The following NXPE3 variants were observed in gnomAD, a reference collection of about 807,000 sequenced individuals.
The protein encoded by NXPE3 is NXPE family member 3.
In NXPE3, 26 loss-of-function variants were observed where a neutral mutation model predicts 46.1. That is an observed-to-expected ratio of 0.56 (90% CI 0.41 to 0.78). The LOEUF (loss-of-function observed/expected upper bound fraction) is 0.78. Among genes scored for constraint, NXPE3 ranks in the 30% least tolerant of loss-of-function variants. The pLI is 0.00. For missense variants in NXPE3, 620 were observed against 686.0 expected, an observed-to-expected ratio of 0.90 and a Z score of 1.07; for synonymous variants, 272 against 257.9, an observed-to-expected ratio of 1.05 and a Z score of -0.52.
At chr3:101,799,098 C>T (rs1941000473) in intron 4 of NXPE3, among the ~76,000 whole-genome samples, 1 of 151,888 alleles carries the variant, frequency 6.6e-6, no homozygotes, top group Admixed American at 6.6e-5. Context: ...CCACGCTTGG[C>T]TAACTTTAAA....
chr3:101,783,163 G>T (rs1482329103), intron 3 of NXPE3, among the ~76,000 whole-genome samples: 1 of 152,218 alleles, frequency 6.6e-6, no homozygotes, highest in South Asian at 2.1e-4. Context: ...CCAGGTTCAC[G>T]CTGTTCTCCT....
At chr3:101,809,497 A>C (rs185089825) in intron 6 of NXPE3, among the ~76,000 whole-genome samples, 24 of 152,336 alleles carry the variant, frequency 1.6e-4, no homozygotes, top group African/African-American at 5.8e-4. Context: ...TTTAGCATTC[A>C]TCAAGGTTCA....
intron 5 of NXPE3, 117 bp from the exon 6 acceptor site, chr3:101,806,936 T>C (rs891459832): frequency 2.1e-5 from 15 of 730,464 alleles, no homozygotes; most frequent in African/African-American, 1.2e-4. Context: ...TTCATAAGTA[T>C]ATTTCATCAT....
At chr3:101,811,818 C>G (rs1941722093) in intron 6 of NXPE3, among the ~76,000 whole-genome samples, 1 of 140,082 alleles carries the variant, frequency 7.1e-6, no homozygotes, top group African/African-American at 2.6e-5. Context: ...ATTAAAACTT[C>G]TGCCTCCTGG....
chr3:101,784,779 C>G (rs1940050319), intron 3 of NXPE3, among the ~76,000 whole-genome samples: 1 of 152,172 alleles, frequency 6.6e-6, no homozygotes. Context: ...GCTTGACTTT[C>G]CTCTCCCACA....
intron 6 of NXPE3, among the ~76,000 whole-genome samples, chr3:101,810,050 C>T (rs1941640000): frequency 6.6e-6 from 1 of 152,072 alleles, no homozygotes; most frequent in South Asian, 2.1e-4. Context: ...ATTTAGATTG[C>T]CTGAGATTGG....
At chr3:101,816,618 T>C (rs1447275457) in intron 6 of NXPE3, among the ~76,000 whole-genome samples, 177 bp from the exon 7 acceptor site, 1 of 152,202 alleles carries the variant, frequency 6.6e-6, no homozygotes, top group Non-Finnish European at 1.5e-5. Flanking sequence ...TTTTTATGGC[T>C]GTGGAAAACC....
At chr3:101,817,792 T>C (rs983950435) in intron 7 of NXPE3, among the ~76,000 whole-genome samples, 1 of 152,164 alleles carries the variant, frequency 6.6e-6, no homozygotes, top group African/African-American at 2.4e-5. Context: ...TTAATGGCCA[T>C]GTGTGGGCAA....
rs897183040 is a variant in NXPE3 at position 101,825,531 on chromosome 3, T to C, written c.*3577T>C. The C allele has an allele frequency of 6.6e-6, 1 of 152,184 alleles. No homozygotes were observed. The highest frequency in any genetic ancestry group is 1.5e-5 in the Non-Finnish European group (1 of 68,036). 9.4% of individuals were successfully genotyped at this position (152,184 alleles called of 1,614,324 possible). The stretch of plus-strand genomic sequence containing the variant: ...TCTATGGATAAAATCCATAATTCTA[T>C]CATCTGAATGCAATGAACATTAGCA... On this transcript the variant is annotated 3_prime_UTR_variant, in exon 8 of 8. Transcript: ENST00000273347.
chr3:101,785,516 C>T lies in NXPE3; in HGVS notation c.-81C>T, dbSNP rs1940104790. 3.2e-6 allele frequency: 4 copies of T among 1,254,402 alleles called. No homozygotes were observed. The Admixed American group carries it at 5.1e-5, about 16-fold the overall frequency. The allele number at this position is 1,254,402 out of a possible 1,614,324, so 77.7% of individuals were successfully genotyped here. ...AATGAAACTGAAAGCTCATCTGCAG[C>T]TCAGAAAAGCAAAGACATGGAATTT... On this transcript the variant is annotated 5_prime_UTR_variant, in exon 4 of 8. Coordinates refer to ENST00000273347, the MANE Select transcript of NXPE3 (RefSeq NM_145037.4).
Position 101,787,948 on chromosome 3 carries a change from AT to A in NXPE3, c.93+2265del, listed in dbSNP as rs369191050. On this transcript the variant is annotated intron_variant, in intron 4 of 7. Transcript: ENST00000273347. ...ATTGCTGGATTATATGGTAATTTTA[AT>A]TTTTTGAGGAACCACCATATTATTT... 1.6e-3 allele frequency among the ~76,000 whole-genome samples: 247 copies of A among 152,286 alleles called. 3 individuals carry two copies. The highest frequency in any genetic ancestry group is 5.7e-3 in the African/African-American group (237 of 41,548).
chr3:101,803,845 C>T (rs901004332), intron 5 of NXPE3, among the ~76,000 whole-genome samples: 4 of 152,186 alleles, frequency 2.6e-5, no homozygotes, highest in Non-Finnish European at 5.9e-5. Flanking sequence ...GTCTTGAACC[C>T]CTGGGCTCAA....
At chr3:101,807,006 A>G in intron 5 of NXPE3, 47 bp from the exon 6 acceptor site, 1 of 1,296,626 alleles carries the variant, frequency 7.7e-7, no homozygotes, top group Non-Finnish European at 1.1e-6. Flanking sequence ...ATATCTGAAA[A>G]TAAATGTTCC....
intron 1 of NXPE3, among the ~76,000 whole-genome samples, chr3:101,781,123 C>CT (rs1156591583): frequency 1.3e-5 from 2 of 151,870 alleles, no homozygotes; most frequent in African/African-American, 4.8e-5. Flanking sequence ...TAAATCTGTG[C>CT]TTTTGTCTCT....
intron 4 of NXPE3, 35 bp from the exon 5 acceptor site, chr3:101,801,200 G>T (rs1367357122): frequency 6.4e-7 from 1 of 1,565,726 alleles, no homozygotes; most frequent in African/African-American, 1.4e-5. Flanking sequence ...ACCTATTATA[G>T]TGGTAATTTC....
chr3:101,784,020 A>G (rs1172556459), intron 3 of NXPE3, among the ~76,000 whole-genome samples: 1 of 152,196 alleles, frequency 6.6e-6, no homozygotes, highest in African/African-American at 2.4e-5. Context: ...AGGGGCTGAC[A>G]TCTTGTCTAA....
chr3:101,796,031 G>A (rs1250032156), intron 4 of NXPE3, among the ~76,000 whole-genome samples: 2 of 152,196 alleles, frequency 1.3e-5, no homozygotes, highest in Non-Finnish European at 2.9e-5. Flanking sequence ...TGTTACCAAG[G>A]GGAATTAGTG....
At chr3:101,815,630 G>T (rs1224707318) in intron 6 of NXPE3, among the ~76,000 whole-genome samples, 1 of 152,124 alleles carries the variant, frequency 6.6e-6, no homozygotes, top group Non-Finnish European at 1.5e-5. Context: ...TTGGGAGGTC[G>T]AGGCGGGCGG....
rs1942531334 is a variant in NXPE3 at position 101,827,217 on chromosome 3, A to G, written c.*5263A>G. Reference sequence around the variant, plus strand: ...TGGATTGTAACACTGCTTGGGGAAGATAACTTAAAAAAAAGTAGTACCGAG... The same window carrying G: ...TGGATTGTAACACTGCTTGGGGAAGGTAACTTAAAAAAAAGTAGTACCGAG... On this transcript the variant is annotated 3_prime_UTR_variant, in exon 8 of 8. Transcript: ENST00000273347. The G allele has an allele frequency of 6.6e-6, 1 of 152,148 alleles. No homozygotes were observed. Among genetic ancestry groups the G allele is most frequent in the Non-Finnish European group, 1.5e-5 (1 of 68,030 alleles). 9.4% of individuals were successfully genotyped at this position (152,148 alleles called of 1,614,324 possible). A position where few individuals can be genotyped will look rare whatever the true frequency, so the allele number is the denominator to read the frequency against.
Sources: gnomAD v4.1 joint callset for allele counts (sites outside exome capture counted in the v4.1 genomes callset) on GRCh38, gnomAD v4.1.1 for gene constraint, MANE v1.5 for transcripts, NCBI Gene and HGNC (gene_info 2026-07-23, HGNC 2026-07-21) for gene names.